The following GOLGA3 variants were observed in gnomAD, a reference collection of about 807,000 sequenced individuals.
The protein encoded by GOLGA3 is golgin A3.
A neutral mutation model predicts 169.4 loss-of-function variants in GOLGA3; 75 were observed. The ratio of observed to expected loss-of-function variants is 0.44; its 90% CI spans 0.37 to 0.54. The LOEUF (loss-of-function observed/expected upper bound fraction) is 0.54, where lower values mean the gene tolerates loss of function less well. GOLGA3 is among the 20% of genes least tolerant of loss of function. The pLI, the probability that GOLGA3 is intolerant of heterozygous loss-of-function variation, is 0.00. For missense variants in GOLGA3, 1,899 were observed against 1,930.0 expected (o/e 0.98, Z 0.30); for synonymous variants, 824 against 822.4 (o/e 1.00, Z -0.03).
In GOLGA3 at chr12:132,807,304, C is replaced by T. The variant is rs779472308; in HGVS notation, c.1179-16G>A. On this transcript the variant is annotated splice_polypyrimidine_tract_variant and intron_variant, in intron 5 of 23. Coordinates refer to ENST00000450791, the MANE Select transcript of GOLGA3 (RefSeq NM_001389683.1). ...CAAGGACACGCTGGGGACAAAGGCA[C>T]GGGTCAGGCCTGTGCGAGCCATCCT... 6.6e-5 allele frequency: 94 copies of T among 1,423,258 alleles called. No individual in the cohort carries two copies. The highest frequency in any genetic ancestry group is 8.0e-5 in the Non-Finnish European group (83 of 1,035,774). The allele number at this position is 1,423,258 out of a possible 1,614,324, so 88.2% of individuals were successfully genotyped here.
At chr12:132,809,503 G>A (rs901059001) in intron 4 of GOLGA3, among the ~76,000 whole-genome samples, 62 of 130,348 alleles carry the variant, frequency 4.8e-4, no homozygotes, top group Admixed American at 3.8e-3. Context: ...TTTTGCTACC[G>A]CTGGACCACG....
At chr12:132,814,544 T>C (rs1312622670) in intron 3 of GOLGA3, among the ~76,000 whole-genome samples, 1 of 152,136 alleles carries the variant, frequency 6.6e-6, no homozygotes, top group Non-Finnish European at 1.5e-5. Context: ...CCCGAGTGCA[T>C]TTCTTTGCTC....
chr12:132,798,562 G>T, intron 8 of GOLGA3, 85 bp from the exon 9 acceptor site: 1 of 1,259,850 alleles, frequency 7.9e-7, no homozygotes, highest in South Asian at 1.4e-5. Context: ...GCCCCAGGGT[G>T]AGGGTCACTG....
chr12:132,780,085 TGC>T, intron 18 of GOLGA3, among the ~76,000 whole-genome samples: 1 of 112,484 alleles, frequency 8.9e-6, no homozygotes, highest in Non-Finnish European at 1.8e-5. Flanking sequence ...CACACGTGTG[TGC>T]AGACATCACA....
chr12:132,825,037 C>T (rs1351013008), intron 1 of GOLGA3, among the ~76,000 whole-genome samples: 1 of 152,194 alleles, frequency 6.6e-6, no homozygotes, highest in African/African-American at 2.4e-5. Context: ...GGACTACACG[C>T]GGTGGAATGT....
chr12:132,825,923 G>A, intron 1 of GOLGA3: 3 of 959,638 alleles, frequency 3.1e-6, no homozygotes, highest in Non-Finnish European at 5.1e-6. Context: ...GATCCTCTCT[G>A]GCGTGGTGAC....
rs1247576278 is a variant in GOLGA3, at chr12:132,770,615, C to T, written c.*2490G>A. 3.3e-5 allele frequency: 5 copies of T among 152,196 alleles called. No individual in the cohort carries two copies. Among genetic ancestry groups the T allele is most frequent in the Admixed American group, 2.6e-4 (4 of 15,276 alleles). The allele number at this position is 152,196 out of a possible 1,614,324, so 9.4% of individuals were successfully genotyped here. ...TCGCTCCCCACTGAATGTGTGATTTCTCGATTTTAGATTTTTTAAAATCAT... is the reference window on the plus strand; with the variant it reads ...TCGCTCCCCACTGAATGTGTGATTTTTCGATTTTAGATTTTTTAAAATCAT... On this transcript the variant is annotated 3_prime_UTR_variant, in exon 24 of 24. Coordinates refer to ENST00000450791, the MANE Select transcript of GOLGA3 (RefSeq NM_001389683.1).
chr12:132,796,568 C>G lies in GOLGA3; in HGVS notation c.2071G>C (p.Ala691Pro). The G allele has an allele frequency of 6.2e-7, 1 of 1,612,682 alleles. No individual in the cohort carries two copies. Among genetic ancestry groups the G allele is most frequent in the South Asian group, 1.1e-5 (1 of 91,078 alleles). Residue 691 changes from alanine (A) to proline (P), a missense_variant, in exon 10 of 24, where the codon GCG (alanine) becomes CCG (proline). Coordinates refer to ENST00000450791, the MANE Select transcript of GOLGA3 (RefSeq NM_001389683.1). ...RERLQRMADSAASLEQQLEQV... is the reference protein window; with the variant it reads ...RERLQRMADSPASLEQQLEQV... ...TCCAGCTGCTGCTCCAGGGATGCCG[C>G]CGAGTCCGCCATCCTCTGCAGCCGC...
chr12:132,818,096 G>C (rs1482937390), intron 2 of GOLGA3, among the ~76,000 whole-genome samples: 62 of 134,722 alleles, frequency 4.6e-4, no homozygotes, highest in African/African-American at 1.7e-3. Context: ...CACGCTCTAA[G>C]GTGAACCCCC....
In GOLGA3 at chr12:132,793,007, G is replaced by A. The variant is rs542140257; in HGVS notation, c.2470-1714C>T. Among the ~76,000 whole-genome samples the A allele has an allele frequency of 2.6e-4, 28 of 108,716 alleles. No individual in the cohort carries two copies. In the South Asian group the frequency reaches 5.7e-3, roughly 22 times the overall value. The allele number at this position is 108,716 out of a possible 152,430, so 71.3% of individuals were successfully genotyped here. A position where few individuals can be genotyped will look rare whatever the true frequency, so the allele number is the denominator to read the frequency against. ...TCGGAGGGCTCCACACAGACAGACCGCACGGGACCCGCACTCGGAGGGCTC... is the reference window on the plus strand; with the variant it reads ...TCGGAGGGCTCCACACAGACAGACCACACGGGACCCGCACTCGGAGGGCTC... On this transcript the variant is annotated intron_variant, in intron 11 of 23. Transcript: ENST00000450791.
At chr12:132,783,978 G>A in intron 16 of GOLGA3, 186 bp downstream of exon 16, 2 of 1,483,376 alleles carry the variant, frequency 1.3e-6, no homozygotes, top group South Asian at 1.3e-5. Flanking sequence ...ATCCTCCCCA[G>A]AGGGCTGGAA....
In GOLGA3 at chr12:132,796,197, T is replaced by A; in HGVS notation, c.2124A>T (p.Arg708=). 6.3e-7 allele frequency: 1 copy of A among 1,594,134 alleles called. No homozygotes were observed. The highest frequency in any genetic ancestry group is 8.6e-7 in the Non-Finnish European group (1 of 1,166,540). Residue 708 remains arginine (R), a synonymous_variant, in exon 11 of 24, where the codon CGA becomes CGT. Coordinates refer to ENST00000450791, the MANE Select transcript of GOLGA3 (RefSeq NM_001389683.1). ...GCTGCAAAGCCTCAAGCTGCTGGTC[T>A]CGCTGGAGTAAAGTCAACTTCACCT... ...LEQVKLTLLQ[R]DQQLEALQQE... is the part of the protein sequence containing the mutation.
intron 1 of GOLGA3, among the ~76,000 whole-genome samples, chr12:132,825,124 G>T (rs1429876830): frequency 6.6e-6 from 1 of 152,172 alleles, no homozygotes; most frequent in East Asian, 1.9e-4. Flanking sequence ...AAGAAAACTT[G>T]CGTTTTGCTT....
At chr12:132,810,708 A>G (rs1263807063) in intron 4 of GOLGA3, among the ~76,000 whole-genome samples, 1 of 152,178 alleles carries the variant, frequency 6.6e-6, no homozygotes, top group Non-Finnish European at 1.5e-5. Context: ...ATTGCCAAGC[A>G]GACCATGGTC....
chr12:132,792,917 C>A (rs1416680862), intron 11 of GOLGA3, among the ~76,000 whole-genome samples: 40 of 139,806 alleles, frequency 2.9e-4, no homozygotes, highest in Non-Finnish European at 7.7e-5. Context: ...GGGCCCCACA[C>A]AGACCCACCC....
Position 132,795,950 on chromosome 12 carries a change from C to G in GOLGA3, c.2371G>C (p.Glu791Gln), listed in dbSNP as rs1378453772. The G allele has an allele frequency of 1.2e-6, 2 of 1,614,082 alleles. No homozygotes were observed. The highest frequency in any genetic ancestry group is 8.5e-7 in the Non-Finnish European group (1 of 1,180,050). Reference sequence around the variant, plus strand: ...AAGCGTCTTGCTCCTCTGTCAAGCTCCTCCTTGCCACTCTTGGCCGCCTGC... The same window carrying G: ...AAGCGTCTTGCTCCTCTGTCAAGCTGCTCCTTGCCACTCTTGGCCGCCTGC... The part of the protein sequence containing the change: ...ALQAAKSGKE[E>Q]LDRGARRLEE... Residue 791 changes from glutamate to glutamine, a missense_variant, in exon 11 of 24, where the codon GAG (glutamate) becomes CAG (glutamine). By Grantham distance (29) the Glu-to-Gln change is conservative (BLOSUM62 2). Coordinates refer to ENST00000450791, the MANE Select transcript of GOLGA3 (RefSeq NM_001389683.1).
chr12:132,792,156 A>T (rs759054615), intron 11 of GOLGA3, among the ~76,000 whole-genome samples: 3 of 152,210 alleles, frequency 2.0e-5, no homozygotes, highest in Non-Finnish European at 4.4e-5. Flanking sequence ...TATAGGAAGA[A>T]GCACTTGTGT....
Position 132,789,225 on chromosome 12 carries a change from G to A in GOLGA3, c.2613C>T (p.Ala871=). The A allele has an allele frequency of 1.2e-6, 2 of 1,609,540 alleles. No homozygotes were observed. The highest frequency in any genetic ancestry group is 2.2e-5 in the East Asian group (1 of 44,874). ...GCTCCGAGTCCAGCCTCTTCCTGGT[G>A]GCTTTCAGCTCACTGATGAGCTGGT... The part of the protein sequence containing the change: ...SKDQLISELK[A]TRKRLDSELK... Residue 871 remains alanine, a synonymous_variant, in exon 13 of 24, where the codon GCC becomes GCT. Coordinates refer to ENST00000450791, the MANE Select transcript of GOLGA3 (RefSeq NM_001389683.1).
At chr12:132,794,721 G>A (rs746118864) in intron 11 of GOLGA3, among the ~76,000 whole-genome samples, 1 of 152,168 alleles carries the variant, frequency 6.6e-6, no homozygotes, top group Non-Finnish European at 1.5e-5. Context: ...TTCATCCACA[G>A]AATTGGGACA....
Sources: allele counts gnomAD v4.1 joint callset (sites outside exome capture counted in the v4.1 genomes callset), GRCh38; gene constraint gnomAD v4.1.1; transcripts MANE v1.5; gene names NCBI Gene and HGNC (gene_info 2026-07-23, HGNC 2026-07-21).